Variants in GMDS observed in about 807,000 individuals in gnomAD.
GMDS encodes GDP-mannose 4,6-dehydratase, also known as GDP-mannose 4,6 dehydratase.
In GMDS, 20 loss-of-function variants were observed where a neutral mutation model predicts 49.9. The ratio of observed to expected loss-of-function variants is 0.40; its 90% CI spans 0.28 to 0.58. The LOEUF is 0.58. Ranked by LOEUF, GMDS falls within the 20% of genes least tolerant of loss-of-function variation. GMDS has a pLI of 0.42. For synonymous variants in GMDS, 177 were observed against 178.6 expected, an observed-to-expected ratio of 0.99 and a Z score of 0.07; for missense variants, 362 against 481.4, an observed-to-expected ratio of 0.75 and a Z score of 2.32.
intron 1 of GMDS, among the ~76,000 whole-genome samples, chr6:2,244,007 T>C (rs1781741274): frequency 6.6e-6 from 1 of 151,738 alleles, no homozygotes; most frequent in Non-Finnish European, 1.5e-5. Context: ...GCACTACAGG[T>C]GAGCACCAAC....
At chr6:2,039,589 T>C (rs1769527892) in intron 4 of GMDS, among the ~76,000 whole-genome samples, 1 of 152,122 alleles carries the variant, frequency 6.6e-6, no homozygotes, top group African/African-American at 2.4e-5. Flanking sequence ...TTTTATGAAC[T>C]TTTTAGATTT....
Position 2,092,019 on chromosome 6 carries a change from G to A in GMDS, c.345+23752C>T, listed in dbSNP as rs183710468. 2.2e-3 allele frequency among the ~76,000 whole-genome samples: 334 copies of A among 152,196 alleles called. 3 individuals are homozygous for A. Among genetic ancestry groups the A allele is most frequent in the African/African-American group, 6.8e-3 (284 of 41,520 alleles). ...AGGACTCAGGGAAGAGTGGATTCATGGGAACAACCCTTTCTAAATATTAAA... is the reference window on the plus strand; with the variant it reads ...AGGACTCAGGGAAGAGTGGATTCATAGGAACAACCCTTTCTAAATATTAAA... On this transcript the variant is annotated intron_variant, in intron 4 of 10. Coordinates refer to ENST00000380815, the MANE Select transcript of GMDS (RefSeq NM_001500.4).
chr6:2,031,108 T>C (rs971708528), intron 4 of GMDS, among the ~76,000 whole-genome samples: 13 of 152,220 alleles, frequency 8.5e-5, no homozygotes, highest in African/African-American at 1.9e-4. Flanking sequence ...TTAATGTGCA[T>C]ACAGAAATCG....
At chr6:2,170,582 G>GCACC (rs1777947510) in intron 1 of GMDS, among the ~76,000 whole-genome samples, 1 of 151,290 alleles carries the variant, frequency 6.6e-6, no homozygotes. Flanking sequence ...GGCTATGACT[G>GCACC]CACCACTGCA....
chr6:2,241,935 T>A (rs755905506), intron 1 of GMDS, among the ~76,000 whole-genome samples: 3 of 152,180 alleles, frequency 2.0e-5, no homozygotes, highest in Non-Finnish European at 4.4e-5. Context: ...AGTGAAGATG[T>A]GTTCTGCTAA....
Position 2,140,600 on chromosome 6 carries a change from T to C in GMDS, c.103-15869A>G, listed in dbSNP as rs114487614. Among the ~76,000 whole-genome samples the C allele has an allele frequency of 5.7e-3, 867 of 152,320 alleles. 2 individuals carry two copies. The highest frequency in any genetic ancestry group is 0.017 in the Middle Eastern group (5 of 294). On this transcript the variant is annotated intron_variant, in intron 1 of 10. Transcript: ENST00000380815. ...TCTATTTAATGAGAGAATACCCATTTCCCAGAAAGAGAGAGCTGGTGGTGA... is the reference window on the plus strand; with the variant it reads ...TCTATTTAATGAGAGAATACCCATTCCCCAGAAAGAGAGAGCTGGTGGTGA...
intron 4 of GMDS, among the ~76,000 whole-genome samples, chr6:1,965,949 G>A (rs1443621554): frequency 2.0e-5 from 3 of 152,178 alleles, no homozygotes; most frequent in African/African-American, 7.2e-5. Flanking sequence ...GAGAGCTACA[G>A]CCCACAGGCC....
intron 7 of GMDS, among the ~76,000 whole-genome samples, chr6:1,832,477 TA>T (rs1469062419): frequency 1.3e-5 from 2 of 152,150 alleles, no homozygotes; most frequent in Non-Finnish European, 2.9e-5. Flanking sequence ...TGATGGCTTT[TA>T]TTTTTTTTAT....
At chr6:1,795,902 A>G (rs1473558517) in intron 7 of GMDS, among the ~76,000 whole-genome samples, 1 of 152,226 alleles carries the variant, frequency 6.6e-6, no homozygotes, top group Non-Finnish European at 1.5e-5. Context: ...TATAATCTGC[A>G]TAGTCACAGT....
intron 1 of GMDS, among the ~76,000 whole-genome samples, chr6:2,231,191 G>GA: frequency 6.6e-6 from 1 of 152,174 alleles, no homozygotes; most frequent in East Asian, 1.9e-4. Context: ...GAGAGCTGCA[G>GA]AAACAGAGCT....
At chr6:1,657,655 C>T (rs890545533) in intron 9 of GMDS, among the ~76,000 whole-genome samples, 4 of 152,076 alleles carry the variant, frequency 2.6e-5, no homozygotes, top group African/African-American at 9.7e-5. Context: ...GATTTCCTGT[C>T]CTAAGTATTC....
chr6:2,073,854 A>G (rs570256803), intron 4 of GMDS, among the ~76,000 whole-genome samples: 1 of 152,280 alleles, frequency 6.6e-6, no homozygotes, highest in African/African-American at 2.4e-5. Flanking sequence ...ATTATGTTTT[A>G]CGGCCAAATA....
intron 9 of GMDS, among the ~76,000 whole-genome samples, chr6:1,701,001 C>T (rs533651519): frequency 9.9e-5 from 15 of 152,162 alleles, no homozygotes; most frequent in Non-Finnish European, 1.9e-4. Context: ...CTGATGATGC[C>T]GCCGGGGTGA....
At chr6:1,912,228 C>G (rs7762291) in intron 7 of GMDS, among the ~76,000 whole-genome samples, 8 of 151,680 alleles carry the variant, frequency 5.3e-5, no homozygotes, top group African/African-American at 1.9e-4. Context: ...TAGCCAGGTG[C>G]GGTGGCGGGC....
At chr6:1,721,964 G>GT (rs1278335909) in intron 9 of GMDS, among the ~76,000 whole-genome samples, 1 of 150,640 alleles carries the variant, frequency 6.6e-6, no homozygotes, top group Non-Finnish European at 1.5e-5. Flanking sequence ...CTTCAAGTAT[G>GT]TTTCATTATC....
intron 7 of GMDS, among the ~76,000 whole-genome samples, chr6:1,870,889 G>A (rs1323348867): frequency 6.6e-6 from 1 of 152,064 alleles, no homozygotes; most frequent in Non-Finnish European, 1.5e-5. Context: ...CAGGGCCCAG[G>A]GAACTAATAA....
At chr6:1,740,415 G>T (rs764739608) in intron 8 of GMDS, among the ~76,000 whole-genome samples, 8 of 152,048 alleles carry the variant, frequency 5.3e-5, no homozygotes, top group Admixed American at 1.3e-4. Flanking sequence ...AAATTAGATG[G>T]GCGTGGTGGT....
intron 4 of GMDS, among the ~76,000 whole-genome samples, chr6:1,971,420 T>G (rs1764604284): frequency 6.6e-6 from 1 of 152,236 alleles, no homozygotes; most frequent in Admixed American, 6.5e-5. Context: ...TAATTACAAT[T>G]TGGAACATCA....
intron 1 of GMDS, among the ~76,000 whole-genome samples, chr6:2,219,409 T>C (rs1478604396): frequency 6.6e-6 from 1 of 152,180 alleles, no homozygotes; most frequent in African/African-American, 2.4e-5. Context: ...TAGAACTTAC[T>C]ATATGGACGA....
Sources: gnomAD v4.1 joint callset for allele counts (sites outside exome capture counted in the v4.1 genomes callset) on GRCh38, gnomAD v4.1.1 for gene constraint, MANE v1.5 for transcripts, NCBI Gene and HGNC (gene_info 2026-07-23, HGNC 2026-07-21) for gene names.